Variants in CEP112 observed in about 807,000 individuals in gnomAD.
CEP112 encodes the protein centrosomal protein 112.
CEP112 carries 127 observed loss-of-function variants against 153.0 expected under a neutral mutation model. The ratio of observed to expected loss-of-function variants is 0.83; its 90% CI spans 0.72 to 0.96. The LOEUF (loss-of-function observed/expected upper bound fraction) is 0.96, where lower values mean the gene tolerates loss of function less well. CEP112 is among the 40% of genes least tolerant of loss of function. The pLI is 0.00. For synonymous variants in CEP112, 358 were observed against 374.4 expected (o/e 0.96, Z 0.51); for missense variants, 1,089 against 1,101.2 (o/e 0.99, Z 0.16).
At chr17:65,890,170 C>T (rs576113648) in intron 20 of CEP112, among the ~76,000 whole-genome samples, 54 of 152,186 alleles carry the variant, frequency 3.5e-4, no homozygotes, top group South Asian at 1.9e-3. Context: ...GAGAACACTG[C>T]TCTAAATAAT....
At chr17:65,856,585 T>C (rs918600338) in intron 20 of CEP112, among the ~76,000 whole-genome samples, 3 of 152,234 alleles carry the variant, frequency 2.0e-5, no homozygotes, top group African/African-American at 7.2e-5. Flanking sequence ...TGTCTTTTTT[T>C]GAAAATTAAA....
At chr17:66,097,394 C>T (rs1336913473) in intron 6 of CEP112, among the ~76,000 whole-genome samples, 1 of 152,144 alleles carries the variant, frequency 6.6e-6, no homozygotes, top group East Asian at 1.9e-4. Context: ...TCTGGCATCT[C>T]CCTGTTTCAA....
chr17:65,650,485 C>T (rs9916262), intron 24 of CEP112, among the ~76,000 whole-genome samples: 3 of 152,068 alleles, frequency 2.0e-5, no homozygotes, highest in East Asian at 1.9e-4. Context: ...ATCCCTAACA[C>T]GTTTCCTCCC....
chr17:65,746,165 C>CAAAAAAAAAAAAAAAAAAA (rs56361589), intron 22 of CEP112, among the ~76,000 whole-genome samples: 62 of 49,304 alleles, frequency 1.3e-3, no homozygotes, highest in Admixed American at 2.0e-3. Context: ...AACTCCATCT[C>CAAAAAAAAAAAAAAAAAAA]AAAAAAAAAA....
At chr17:66,005,480 C>T (rs889456537) in intron 17 of CEP112, among the ~76,000 whole-genome samples, 1 of 149,048 alleles carries the variant, frequency 6.7e-6, no homozygotes, top group African/African-American at 2.4e-5. Context: ...ATTCCTATCA[C>T]TTAAAAACAG....
chr17:66,003,532 T>A (rs1317630595), intron 17 of CEP112, among the ~76,000 whole-genome samples: 1 of 152,226 alleles, frequency 6.6e-6, no homozygotes, highest in East Asian at 1.9e-4. Context: ...AAGAACATCA[T>A]TACATCTTGA....
At chr17:65,809,387 T>A (rs1393229949) in intron 21 of CEP112, among the ~76,000 whole-genome samples, 2 of 152,190 alleles carry the variant, frequency 1.3e-5, no homozygotes, top group Non-Finnish European at 2.9e-5. Flanking sequence ...TCCAACAGAT[T>A]TGATTGTTGT....
chr17:66,059,054 G>A (rs760898206), intron 11 of CEP112, among the ~76,000 whole-genome samples: 6 of 152,088 alleles, frequency 3.9e-5, no homozygotes, highest in Non-Finnish European at 8.8e-5. Context: ...CCAAAAAAAT[G>A]GAGAAAGGAC....
chr17:66,123,798 T>C (rs961219660), intron 6 of CEP112, among the ~76,000 whole-genome samples: 7 of 152,240 alleles, frequency 4.6e-5, no homozygotes, highest in Non-Finnish European at 1.0e-4. Flanking sequence ...CCTGGATTAT[T>C]TAGAAGTGTG....
intron 17 of CEP112, among the ~76,000 whole-genome samples, chr17:65,971,752 C>G (rs2062845616): frequency 1.3e-5 from 2 of 152,082 alleles, no homozygotes; most frequent in South Asian, 2.1e-4. Context: ...TCTAACAACA[C>G]TAATCAAAAG....
chr17:65,780,818 C>T (rs1053034873), intron 21 of CEP112, among the ~76,000 whole-genome samples: 1 of 152,048 alleles, frequency 6.6e-6, no homozygotes, highest in Admixed American at 6.6e-5. Context: ...GATCAAATGA[C>T]ATGAATCAGC....
intron 26 of CEP112, 96 bp from the exon 27 acceptor site, chr17:65,636,070 GA>G: frequency 8.5e-7 from 1 of 1,182,078 alleles, no homozygotes; most frequent in Non-Finnish European, 1.2e-6. Context: ...GATAGGGGTT[GA>G]AAAGGCTATT....
chr17:65,727,552 G>A (rs763860624), intron 23 of CEP112, among the ~76,000 whole-genome samples: 18 of 152,184 alleles, frequency 1.2e-4, no homozygotes, highest in Non-Finnish European at 2.4e-4. Context: ...AAGGACTCTG[G>A]TGAGAGACTT....
intron 4 of CEP112, among the ~76,000 whole-genome samples, chr17:66,141,961 T>C (rs948153659): frequency 3.3e-5 from 5 of 152,166 alleles, no homozygotes; most frequent in Admixed American, 1.3e-4. Context: ...TCCACACTGT[T>C]TTCCATAATG....
At chr17:65,974,708 G>A (rs1447986890) in intron 17 of CEP112, among the ~76,000 whole-genome samples, 1 of 152,158 alleles carries the variant, frequency 6.6e-6, no homozygotes, top group Non-Finnish European at 1.5e-5. Flanking sequence ...AAAGCAATGT[G>A]TACAAAAGTA....
chr17:65,660,719 A>AT (rs11287795), intron 24 of CEP112, among the ~76,000 whole-genome samples: 12 of 150,630 alleles, frequency 8.0e-5, no homozygotes, highest in Non-Finnish European at 1.8e-4. Flanking sequence ...TAATTTTTGT[A>AT]TTTTTTTTTG....
intron 21 of CEP112, among the ~76,000 whole-genome samples, chr17:65,821,480 A>G (rs2056532149): frequency 7.2e-6 from 1 of 138,720 alleles, no homozygotes; most frequent in African/African-American, 2.7e-5. Context: ...TCAAATTATT[A>G]AACTTATATA....
intron 18 of CEP112, among the ~76,000 whole-genome samples, chr17:65,940,121 A>G (rs1299942022): frequency 6.6e-6 from 1 of 152,238 alleles, no homozygotes; most frequent in Non-Finnish European, 1.5e-5. Flanking sequence ...AATGCCCCAC[A>G]AGCTGATGGA....
chr17:65,695,761 C>T (rs1381764605), intron 23 of CEP112, among the ~76,000 whole-genome samples: 1 of 152,090 alleles, frequency 6.6e-6, no homozygotes, highest in Non-Finnish European at 1.5e-5. Flanking sequence ...GTAGCAAGAC[C>T]GGACGTCTTT....
Sources: gnomAD v4.1 joint callset for allele counts (sites outside exome capture counted in the v4.1 genomes callset) on GRCh38, gnomAD v4.1.1 for gene constraint, MANE v1.5 for transcripts, NCBI Gene and HGNC (gene_info 2026-07-23, HGNC 2026-07-21) for gene names.